The following CNTN4 variants were observed in gnomAD, a reference collection of about 807,000 sequenced individuals.
CNTN4 encodes the protein contactin 4.
Under a neutral mutation model 122.5 loss-of-function variants are expected in CNTN4, and 77 were observed. The ratio of observed to expected loss-of-function variants is 0.63; its 90% CI spans 0.52 to 0.76. The LOEUF is 0.76. Ranked by LOEUF, CNTN4 falls within the 30% of genes least tolerant of loss-of-function variation. The pLI, the probability that CNTN4 is intolerant of heterozygous loss-of-function variation, is 0.00. For missense variants in CNTN4, 1,256 were observed against 1,259.1 expected, an observed-to-expected ratio of 1.00 and a Z score of 0.04; for synonymous variants, 512 against 447.0, an observed-to-expected ratio of 1.15 and a Z score of -1.83.
intron 2 of CNTN4, among the ~76,000 whole-genome samples, chr3:2,298,600 A>T (rs998052976): frequency 6.6e-6 from 1 of 152,138 alleles, no homozygotes; most frequent in Non-Finnish European, 1.5e-5. Context: ...ATGAATTTCC[A>T]TCTTTGGTAC....
At chr3:2,287,568 A>ACTTTAG (rs1213485692) in intron 2 of CNTN4, among the ~76,000 whole-genome samples, 6 of 151,102 alleles carry the variant, frequency 4.0e-5, no homozygotes, top group African/African-American at 1.5e-4. Flanking sequence ...GTGCCACTGC[A>ACTTTAG]CTTTAGCCTG....
At chr3:2,958,254 T>C (rs2094820125) in intron 13 of CNTN4, among the ~76,000 whole-genome samples, 1 of 152,336 alleles carries the variant, frequency 6.6e-6, no homozygotes, top group Non-Finnish European at 1.5e-5. Context: ...ACTGGCTGAA[T>C]GGCAGTTTTA....
intron 6 of CNTN4, among the ~76,000 whole-genome samples, chr3:2,783,439 T>A (rs1426610157): frequency 6.6e-6 from 1 of 152,196 alleles, no homozygotes; most frequent in Non-Finnish European, 1.5e-5. Context: ...ACAGGGTGTC[T>A]CTCCTTTATC....
At chr3:2,558,616 A>G (rs998003267) in intron 3 of CNTN4, among the ~76,000 whole-genome samples, 4 of 152,152 alleles carry the variant, frequency 2.6e-5, no homozygotes, top group Non-Finnish European at 5.9e-5. Context: ...TTTGGTTAAT[A>G]TGGAGTCTAC....
intron 3 of CNTN4, among the ~76,000 whole-genome samples, chr3:2,345,164 G>T (rs971371019): frequency 6.6e-6 from 1 of 152,154 alleles, no homozygotes; most frequent in Non-Finnish European, 1.5e-5. Flanking sequence ...AATGTTCCAT[G>T]CATATGCTTC....
chr3:2,400,857 A>G (rs1178896318), intron 3 of CNTN4, among the ~76,000 whole-genome samples: 1 of 151,502 alleles, frequency 6.6e-6, no homozygotes, highest in African/African-American at 2.4e-5. Context: ...ATTTATTTAT[A>G]TATTACTATA....
chr3:2,642,993 G>T (rs1038562957), intron 4 of CNTN4, among the ~76,000 whole-genome samples: 2 of 152,088 alleles, frequency 1.3e-5, no homozygotes, highest in Admixed American at 1.3e-4. Context: ...TACCTCATAG[G>T]GCAGATGTAA....
chr3:2,785,606 G>A (rs964959586), intron 6 of CNTN4, among the ~76,000 whole-genome samples: 5 of 152,144 alleles, frequency 3.3e-5, no homozygotes, highest in Non-Finnish European at 7.4e-5. Flanking sequence ...ACAAGTTACA[G>A]TGAAAATACA....
intron 3 of CNTN4, among the ~76,000 whole-genome samples, chr3:2,448,224 G>A (rs940670836): frequency 6.6e-6 from 1 of 152,186 alleles, no homozygotes; most frequent in South Asian, 2.1e-4. Flanking sequence ...AAGAGAAAGA[G>A]GTCACAAGCC....
chr3:2,771,364 T>G (rs2091092443), intron 6 of CNTN4, among the ~76,000 whole-genome samples: 1 of 152,144 alleles, frequency 6.6e-6, no homozygotes, highest in African/African-American at 2.4e-5. Context: ...TAAAAGAGAT[T>G]TGGGTCCCTC....
At chr3:2,558,297 T>C (rs2078805392) in intron 3 of CNTN4, among the ~76,000 whole-genome samples, 1 of 152,188 alleles carries the variant, frequency 6.6e-6, no homozygotes, top group Admixed American at 6.5e-5. Context: ...TACCAGTTTT[T>C]CCATAATGTC....
chr3:2,188,292 C>A (rs772716765), intron 2 of CNTN4, among the ~76,000 whole-genome samples: 1 of 152,126 alleles, frequency 6.6e-6, no homozygotes, highest in Non-Finnish European at 1.5e-5. Context: ...GCTGCATCAG[C>A]AAGAGTCCCT....
chr3:2,496,216 CATTTACTCT>C (rs1210340747), intron 3 of CNTN4, among the ~76,000 whole-genome samples: 1 of 152,066 alleles, frequency 6.6e-6, no homozygotes, highest in African/African-American at 2.4e-5. Flanking sequence ...GTAGGAAAGC[CATTTACTCT>C]TGATGACGTC....
chr3:2,416,069 A>G (rs62245711), intron 3 of CNTN4, among the ~76,000 whole-genome samples: 16,344 of 152,196 alleles, frequency 0.11, 1,115 homozygotes, highest in Middle Eastern at 0.19. Flanking sequence ...GACATATAAG[A>G]TACTAGTGTG....
chr3:2,139,649 C>T (rs142764721), intron 2 of CNTN4, among the ~76,000 whole-genome samples: 138 of 152,296 alleles, frequency 9.1e-4, no homozygotes, highest in African/African-American at 3.2e-3. Context: ...CTAATGTGAG[C>T]CTGATGGCAA....
chr3:2,355,165 C>T (rs1015322044), intron 3 of CNTN4, among the ~76,000 whole-genome samples: 3 of 152,186 alleles, frequency 2.0e-5, no homozygotes, highest in Non-Finnish European at 4.4e-5. Context: ...AGCATTTCTC[C>T]TAACTTCTGA....
intron 2 of CNTN4, among the ~76,000 whole-genome samples, chr3:2,243,520 T>A (rs922079306): frequency 6.6e-6 from 1 of 152,038 alleles, no homozygotes; most frequent in Admixed American, 6.6e-5. Context: ...TTTTGTGATT[T>A]TTTTTTAGCT....
intron 2 of CNTN4, among the ~76,000 whole-genome samples, chr3:2,249,306 T>C (rs1229974331): frequency 6.6e-6 from 1 of 151,884 alleles, no homozygotes; most frequent in African/African-American, 2.4e-5. Context: ...GAAGCAGGCA[T>C]GTAGTATCAC....
chr3:2,292,200 A>T (rs1232077556), intron 2 of CNTN4, among the ~76,000 whole-genome samples: 1 of 152,144 alleles, frequency 6.6e-6, no homozygotes, highest in Non-Finnish European at 1.5e-5. Context: ...TTGGCAACAG[A>T]TTATTTTTCT....
Sources: allele counts gnomAD v4.1 joint callset (sites outside exome capture counted in the v4.1 genomes callset), GRCh38; gene constraint gnomAD v4.1.1; transcripts MANE v1.5; gene names NCBI Gene and HGNC (gene_info 2026-07-23, HGNC 2026-07-21).